The following NSMCE2 variants were observed in gnomAD, a reference collection of about 807,000 sequenced individuals.
NSMCE2 encodes NSE2 SUMO ligase component of SMC5/6 complex, also known as E3 SUMO-protein ligase NSE2.
A neutral mutation model predicts 23.8 loss-of-function variants in NSMCE2; 24 were observed. That is an observed-to-expected ratio of 1.01 (90% CI 0.73 to 1.42). The LOEUF (loss-of-function observed/expected upper bound fraction) is 1.42. NSMCE2 is among the 40% of genes most tolerant of loss of function. The pLI is 0.00. For synonymous variants in NSMCE2, 92 were observed against 94.1 expected, an observed-to-expected ratio of 0.98 and a Z score of 0.13; for missense variants, 284 against 296.5, an observed-to-expected ratio of 0.96 and a Z score of 0.31.
At chr8:125,156,105 C>T (rs1447180258) in intron 4 of NSMCE2, 1 of 329,880 alleles carries the variant, frequency 3.0e-6, no homozygotes, top group African/African-American at 2.3e-5. Flanking sequence ...CATAGTAAGA[C>T]TCCATCTCTT....
rs1402084258 is a variant in NSMCE2, at chr8:125,367,083, G to C, written c.*198G>C. 3.8e-6 allele frequency: 2 copies of C among 528,470 alleles called. No individual in the cohort carries two copies. Among genetic ancestry groups the C allele is most frequent in the Non-Finnish European group, 6.8e-6 (2 of 293,720 alleles). The allele number at this position is 528,470 out of a possible 1,614,324, so 32.7% of individuals were successfully genotyped here. ...ATGCAATCATATTGTTTATTTTTAA[G>C]TGTTCTATAATGTTAAATAAAACTT... On this transcript the variant is annotated 3_prime_UTR_variant, in exon 8 of 8. Transcript: ENST00000287437.
chr8:125,328,867 C>T (rs1829773250), intron 5 of NSMCE2, among the ~76,000 whole-genome samples: 1 of 151,978 alleles, frequency 6.6e-6, no homozygotes, highest in African/African-American at 2.4e-5. Context: ...TCCCAACCCT[C>T]TCAGAGATGA....
chr8:125,193,636 A>G (rs905713599), intron 5 of NSMCE2, among the ~76,000 whole-genome samples: 2 of 152,184 alleles, frequency 1.3e-5, no homozygotes, highest in African/African-American at 2.4e-5. Flanking sequence ...AGAAAGAACT[A>G]TTGGTTAGGA....
At chr8:125,095,753 G>A (rs1817896615) in intron 1 of NSMCE2, among the ~76,000 whole-genome samples, 1 of 151,694 alleles carries the variant, frequency 6.6e-6, no homozygotes, top group African/African-American at 2.4e-5. Context: ...AAATTAGCCT[G>A]GCATGTAGCT....
At chr8:125,223,789 G>A (rs1379209023) in intron 5 of NSMCE2, among the ~76,000 whole-genome samples, 1 of 144,076 alleles carries the variant, frequency 6.9e-6, no homozygotes, top group African/African-American at 2.6e-5. Flanking sequence ...TGAGAAATGT[G>A]TGTTCAGGTC....
At chr8:125,229,604 AT>A (rs1219537887) in intron 5 of NSMCE2, among the ~76,000 whole-genome samples, 3 of 152,182 alleles carry the variant, frequency 2.0e-5, no homozygotes, top group African/African-American at 7.2e-5. Context: ...GGTATTAAAG[AT>A]TTTAGGAAAT....
intron 5 of NSMCE2, among the ~76,000 whole-genome samples, chr8:125,218,202 CTG>C (rs1824686026): frequency 6.6e-6 from 1 of 152,130 alleles, no homozygotes; most frequent in Non-Finnish European, 1.5e-5. Context: ...AGAAAGCAGA[CTG>C]ATATTTTTTA....
At chr8:125,108,925 T>G (rs1818596770) in intron 3 of NSMCE2, among the ~76,000 whole-genome samples, 1 of 152,198 alleles carries the variant, frequency 6.6e-6, no homozygotes, top group African/African-American at 2.4e-5. Context: ...AGTTTGAACC[T>G]TATCATTGGA....
intron 5 of NSMCE2, among the ~76,000 whole-genome samples, chr8:125,329,318 G>A (rs944730452): frequency 1.3e-5 from 2 of 152,166 alleles, no homozygotes; most frequent in African/African-American, 4.8e-5. Context: ...GGGACAGCAG[G>A]AGCTCCCACT....
chr8:125,286,504 G>A (rs1013699634), intron 5 of NSMCE2, among the ~76,000 whole-genome samples: 2 of 151,430 alleles, frequency 1.3e-5, no homozygotes, highest in South Asian at 2.1e-4. Flanking sequence ...GTAGAGATGG[G>A]GTGTTGCCAT....
chr8:125,126,646 G>T (rs1819533333), intron 3 of NSMCE2, among the ~76,000 whole-genome samples: 1 of 152,080 alleles, frequency 6.6e-6, no homozygotes, highest in Non-Finnish European at 1.5e-5. Context: ...ATATTCTGTT[G>T]GCTAGGCAGA....
chr8:125,269,113 G>T (rs1274899789), intron 5 of NSMCE2, among the ~76,000 whole-genome samples: 1 of 152,052 alleles, frequency 6.6e-6, no homozygotes, highest in Non-Finnish European at 1.5e-5. Flanking sequence ...TTGAGACAGA[G>T]TCCCACTCTG....
intron 3 of NSMCE2, among the ~76,000 whole-genome samples, chr8:125,115,243 A>G (rs1001229849): frequency 2.0e-5 from 3 of 152,154 alleles, no homozygotes; most frequent in African/African-American, 4.8e-5. Context: ...ACCCTCCCCA[A>G]CAGCTGGAGA....
At chr8:125,272,068 C>T (rs1222591681) in intron 5 of NSMCE2, among the ~76,000 whole-genome samples, 1 of 141,710 alleles carries the variant, frequency 7.1e-6, no homozygotes, top group African/African-American at 2.7e-5. Context: ...GGCTGGAGTG[C>T]AATGGCGCTA....
intron 5 of NSMCE2, among the ~76,000 whole-genome samples, chr8:125,256,138 C>G (rs1298776297): frequency 6.6e-6 from 1 of 152,024 alleles, no homozygotes; most frequent in Non-Finnish European, 1.5e-5. Flanking sequence ...CAAAAATTAG[C>G]TGGGCATGGT....
chr8:125,214,436 C>T (rs1239523330), intron 5 of NSMCE2, among the ~76,000 whole-genome samples: 1 of 152,180 alleles, frequency 6.6e-6, no homozygotes, highest in African/African-American at 2.4e-5. Flanking sequence ...GGCAAGGAGG[C>T]TGAGTCATGG....
chr8:125,173,311 A>G (rs1431031460), intron 4 of NSMCE2, among the ~76,000 whole-genome samples: 2 of 152,156 alleles, frequency 1.3e-5, no homozygotes, highest in African/African-American at 2.4e-5. Context: ...CAAGTTGGTC[A>G]TTAGGTGTGA....
chr8:125,209,670 C>T (rs56380777), intron 5 of NSMCE2, among the ~76,000 whole-genome samples: 7,660 of 152,094 alleles, frequency 0.05, 230 homozygotes, highest in African/African-American at 0.076. Flanking sequence ...ATGAATGAAT[C>T]CCTTTATCTA....
intron 3 of NSMCE2, among the ~76,000 whole-genome samples, chr8:125,130,604 G>C (rs1191286028): frequency 6.6e-6 from 1 of 152,174 alleles, no homozygotes; most frequent in Non-Finnish European, 1.5e-5. Context: ...CTGGGCTCCA[G>C]ATGTGCTTGC....
Sources: allele counts gnomAD v4.1 joint callset (sites outside exome capture counted in the v4.1 genomes callset), GRCh38; gene constraint gnomAD v4.1.1; transcripts MANE v1.5; gene names NCBI Gene and HGNC (gene_info 2026-07-23, HGNC 2026-07-21).